ADAMTS13: variants seen among roughly 807,000 people sequenced by gnomAD.
ADAMTS13 encodes the protein A disintegrin and metalloproteinase with thrombospondin motifs 13.
Under a neutral mutation model 155.1 loss-of-function variants are expected in ADAMTS13, and 110 were observed. That is an observed-to-expected ratio of 0.71 (90% confidence interval 0.61 to 0.83). The LOEUF (loss-of-function observed/expected upper bound fraction) is 0.83, where lower values mean the gene tolerates loss of function less well. Ranked by LOEUF, ADAMTS13 falls within the 40% of genes least tolerant of loss-of-function variation. The pLI, the probability that ADAMTS13 is intolerant of heterozygous loss-of-function variation, is 0.00. For missense variants in ADAMTS13, 1,707 were observed against 1,891.7 expected (o/e 0.90, Z 1.81); for synonymous variants, 758 against 756.4 (o/e 1.00, Z -0.03).
At chr9:133,450,656 G>C (rs1554794099) in intron 23 of ADAMTS13, among the ~76,000 whole-genome samples, 1 of 152,182 alleles carries the variant, frequency 6.6e-6, no homozygotes, top group East Asian at 1.9e-4. Flanking sequence ...GGCGGAGGCA[G>C]GAGAATCGCT....
chr9:133,436,703 C>A, intron 11 of ADAMTS13, 126 bp from the exon 12 acceptor site: 1 of 993,496 alleles, frequency 1.0e-6, no homozygotes, highest in Non-Finnish European at 1.5e-6. Context: ...GGAACCGAGG[C>A]ACGGCCTGGA....
chr9:133,428,157 A>C (rs60681578), intron 6 of ADAMTS13, among the ~76,000 whole-genome samples: 22,600 of 152,116 alleles, frequency 0.15, 1,872 homozygotes, highest in African/African-American at 0.22. Context: ...GAAACGGTTC[A>C]CCTTCCTGGC....
chr9:133,451,218 GA>G (rs1377886464), intron 23 of ADAMTS13, among the ~76,000 whole-genome samples: 1 of 152,156 alleles, frequency 6.6e-6, no homozygotes, highest in Non-Finnish European at 1.5e-5. Context: ...CAGTTTAATA[GA>G]TAGCATCCTA....
upstream of ADAMTS13, among the ~76,000 whole-genome samples, chr9:133,419,826 C>T (rs1554782644): frequency 6.6e-6 from 1 of 152,132 alleles, no homozygotes; most frequent in Non-Finnish European, 1.5e-5. Context: ...ACAATCTCCA[C>T]CTCCCGGGTT....
At chr9:133,446,273 A>G (rs1229185077) in intron 21 of ADAMTS13, among the ~76,000 whole-genome samples, 1 of 152,186 alleles carries the variant, frequency 6.6e-6, no homozygotes, top group Non-Finnish European at 1.5e-5. Flanking sequence ...GGCCATCACC[A>G]CCAACCTCTC....
At chr9:133,448,795 C>A in intron 22 of ADAMTS13, 67 bp downstream of exon 22, 1 of 1,568,518 alleles carries the variant, frequency 6.4e-7, no homozygotes, top group Admixed American at 1.8e-5. Context: ...AGCCTTGGCT[C>A]CATGCCCGGT....
Position 133,445,192 on chromosome 9 carries a change from C to A in ADAMTS13, c.2610+140C>A. 9.9e-7 allele frequency: 1 copy of A among 1,013,188 alleles called. No homozygotes were observed. Among genetic ancestry groups the A allele is most frequent in the Non-Finnish European group, 1.4e-6 (1 of 694,012 alleles). The allele number at this position is 1,013,188 out of a possible 1,614,324, so 62.8% of individuals were successfully genotyped here. A position where few individuals can be genotyped will look rare whatever the true frequency, so the allele number is the denominator to read the frequency against. ...TGTGGGAATGCTGTCTGAGGGCCAC[C>A]CCTGCTCAGAAAAGAAGCTTAGAAA... On this transcript the variant is annotated intron_variant, in intron 20 of 28. Transcript: ENST00000355699. The surrounding 1 kb of genome is among the most constrained non-coding windows in gnomAD (Gnocchi z 5.0).
At chr9:133,457,057 G>A (rs1430180872) in intron 27 of ADAMTS13, 1 of 412,162 alleles carries the variant, frequency 2.4e-6, no homozygotes, top group East Asian at 5.4e-5. Context: ...AGGGTTTTGT[G>A]GAAGCCACTG....
rs142570561 is a variant in ADAMTS13, at chr9:133,433,485, C to T, written c.1200C>T (p.Cys400=). The part of the protein sequence containing the change: ...WGPRSPCSRS[C]GGGVVTRRRQ... The stretch of plus-strand genomic sequence containing the variant: ...CCCGAAGTCCTTGCTCCCGCTCCTG[C>T]GGAGGAGGTGTGGTCACCAGGAGGC... Residue 400 remains cysteine (C), a synonymous_variant, in exon 10 of 29, where the codon TGC becomes TGT. Coordinates refer to ENST00000355699, the MANE Select transcript of ADAMTS13 (RefSeq NM_139027.6). The T allele has an allele frequency of 1.1e-3, 1,850 of 1,613,448 alleles. 1 individual carries two copies. The highest frequency in any genetic ancestry group is 1.7e-3 in the South Asian group (155 of 91,078).
rs143363798 is a variant in ADAMTS13 at position 133,458,149 on chromosome 9, G to T, written c.3909+55G>T. The T allele has an allele frequency of 1.4e-3, 2,304 of 1,591,154 alleles. 38 individuals carry two copies. The highest frequency in any genetic ancestry group is 2.3e-3 in the East Asian group (99 of 43,950). On this transcript the variant is annotated intron_variant, in intron 28 of 28. Transcript: ENST00000355699. ...GATTCTGGACAGCTTTCCCTAGGGC[G>T]TGCAGGGCTAGGGGACCCCCTTCAG...
At position 133,424,282 on chromosome 9, in the gene ADAMTS13, C is replaced by G. The variant is rs202222695; in HGVS notation, c.173-39C>G. ...CTGTTAGCTTTCCACTGCTTGCTCTCTAGAACCATCGCCCTCTGCTCTCCC... is the reference window on the plus strand; with the variant it reads ...CTGTTAGCTTTCCACTGCTTGCTCTGTAGAACCATCGCCCTCTGCTCTCCC... On this transcript the variant is annotated intron_variant, in intron 2 of 28. Transcript: ENST00000355699. The surrounding 1 kb of genome is among the most constrained non-coding windows in gnomAD (Gnocchi z 4.3). 13 of 1,607,852 alleles carry G rather than the reference C, an allele frequency of 8.1e-6. No individual in the cohort carries two copies. The highest frequency in any genetic ancestry group is 1.0e-5 in the Non-Finnish European group (12 of 1,179,788).
Position 133,443,491 on chromosome 9 carries a change from C to T in ADAMTS13, c.2350C>T (p.Arg784Trp), listed in dbSNP as rs988381398. 38 of 1,587,144 alleles carry T rather than the reference C, an allele frequency of 2.4e-5. No individual in the cohort carries two copies. In the Admixed American group the frequency reaches 2.9e-4, roughly 12 times the overall value. ...CCTCCTGAAGACATTGCCCCCAGCC[C>T]GGTGCAGAGCAGGGGCCCAGCAGCC... ...GSLLKTLPPA[R>W]CRAGAQQPAV... The change falls in exon 19 of 29, where the codon CGG (arginine) becomes TGG (tryptophan). Residue 784 changes from arginine (R) to tryptophan (W), a missense_variant. By Grantham distance (101) the Arg-to-Trp change is moderately radical. Coordinates refer to ENST00000355699, the MANE Select transcript of ADAMTS13 (RefSeq NM_139027.6).
At chr9:133,430,996 C>T (rs889252242) in intron 8 of ADAMTS13, among the ~76,000 whole-genome samples, 2 of 151,948 alleles carry the variant, frequency 1.3e-5, no homozygotes, top group Admixed American at 1.3e-4. Context: ...GACAGGGCCT[C>T]GTTCTGTTGC....
rs1029207345 is a variant in ADAMTS13 at position 133,424,306 on chromosome 9, C to G, written c.173-15C>G. 9 of 1,611,116 alleles carry G rather than the reference C, an allele frequency of 5.6e-6. No homozygotes were observed. The highest frequency in any genetic ancestry group is 2.0e-4 in the Middle Eastern group (1 of 5,054). On this transcript the variant is annotated splice_polypyrimidine_tract_variant and intron_variant, in intron 2 of 28. Transcript: ENST00000355699. The surrounding 1 kb of genome is among the most constrained non-coding windows in gnomAD (Gnocchi z 4.3). ...TCTAGAACCATCGCCCTCTGCTCTCCCTCTCCCCCTCCAGGCCGCCCTCCT... is the reference window on the plus strand; with the variant it reads ...TCTAGAACCATCGCCCTCTGCTCTCGCTCTCCCCCTCCAGGCCGCCCTCCT...
intron 8 of ADAMTS13, among the ~76,000 whole-genome samples, chr9:133,430,603 C>T (rs2130809556): frequency 6.6e-6 from 1 of 152,214 alleles, no homozygotes; most frequent in Non-Finnish European, 1.5e-5. Context: ...GGGCCCCTTC[C>T]TCCACAAAAA....
chr9:133,422,810 G>GCCTCTCCCTT (rs1298722716), intron 1 of ADAMTS13, among the ~76,000 whole-genome samples: 2 of 151,686 alleles, frequency 1.3e-5, no homozygotes, highest in African/African-American at 2.4e-5. Context: ...GCTCTTCTCT[G>GCCTCTCCCTT]CCTCTCCCTT....
At chr9:133,436,478 A>G (rs1841225778) in intron 11 of ADAMTS13, among the ~76,000 whole-genome samples, 1 of 152,098 alleles carries the variant, frequency 6.6e-6, no homozygotes, top group East Asian at 1.9e-4. Context: ...TCTTTGCTCC[A>G]TGCTTTGGTT....
chr9:133,424,250 C>T lies in ADAMTS13; in HGVS notation c.173-71C>T, dbSNP rs1055367121. 18 of 1,599,934 alleles carry T rather than the reference C, an allele frequency of 1.1e-5. No individual in the cohort carries two copies. In the African/African-American group the frequency reaches 2.3e-4, roughly 20 times the overall value. On this transcript the variant is annotated intron_variant, in intron 2 of 28. Transcript: ENST00000355699. This position sits in a 1 kb window ranked among gnomAD's most constrained non-coding sequence, Gnocchi z 4.3. Reference sequence around the variant, plus strand: ...GGCCATCCTTCCAAGACCTGCCAGCCCCTTTCCTGTTAGCTTTCCACTGCT... The same window carrying T: ...GGCCATCCTTCCAAGACCTGCCAGCTCCTTTCCTGTTAGCTTTCCACTGCT...
intron 10 of ADAMTS13, 52 bp downstream of exon 10, chr9:133,433,581 C>A: frequency 6.2e-7 from 1 of 1,613,714 alleles, no homozygotes. Context: ...TACCATAGTC[C>A]CTAGTTGAAG....
Sources: gnomAD v4.1 joint callset for allele counts (sites outside exome capture counted in the v4.1 genomes callset) on GRCh38, gnomAD v4.1.1 for gene constraint, Gnocchi (gnomAD v3.1) non-coding constraint, MANE v1.5 for transcripts, NCBI Gene and HGNC (gene_info 2026-07-23, HGNC 2026-07-21) for gene names.